AGBL4: variants seen among roughly 807,000 people sequenced by gnomAD.
AGBL4 encodes the protein AGBL carboxypeptidase 4.
A neutral mutation model predicts 66.4 loss-of-function variants in AGBL4; 58 were observed. The observed-to-expected ratio is 0.87, with a 90% CI of 0.71 to 1.09. The LOEUF (loss-of-function observed/expected upper bound fraction) is 1.09. Ranked by LOEUF, AGBL4 falls within the 50% of genes least tolerant of loss-of-function variation. AGBL4 has a pLI of 0.00. For missense variants in AGBL4, 579 were observed against 631.0 expected, an observed-to-expected ratio of 0.92 and a Z score of 0.88; for synonymous variants, 234 against 222.9, an observed-to-expected ratio of 1.05 and a Z score of -0.44.
At position 49,562,278 on chromosome 1, in the gene AGBL4, G is replaced by A. The variant is rs373126651; in HGVS notation, c.282+135035C>T. Among the ~76,000 whole-genome samples, 4 of 151,910 alleles carry A rather than the reference G, an allele frequency of 2.6e-5. No homozygotes were observed. In the South Asian group the frequency reaches 6.2e-4, roughly 24 times the overall value. On this transcript the variant is annotated intron_variant, in intron 3 of 13. Transcript: ENST00000371839. Reference sequence around the variant, plus strand: ...TAGGTTGCCTGTTCACTCTGATGGTGGTTTCTTTTGCTGTGCAGAAGCTCT... The same window carrying A: ...TAGGTTGCCTGTTCACTCTGATGGTAGTTTCTTTTGCTGTGCAGAAGCTCT...
intron 4 of AGBL4, among the ~76,000 whole-genome samples, chr1:49,121,791 G>C (rs1344095074): frequency 6.6e-6 from 1 of 152,240 alleles, no homozygotes; most frequent in African/African-American, 2.4e-5. Flanking sequence ...GCTGCCTTTT[G>C]TTCAGCTATG....
intron 3 of AGBL4, among the ~76,000 whole-genome samples, chr1:49,560,986 G>T (rs1347222378): frequency 6.6e-6 from 1 of 152,070 alleles, no homozygotes; most frequent in Non-Finnish European, 1.5e-5. Flanking sequence ...AGAAAAAGAT[G>T]CCAGTGAGAA....
chr1:49,398,690 C>T (rs1645023125), intron 3 of AGBL4, among the ~76,000 whole-genome samples: 1 of 152,098 alleles, frequency 6.6e-6, no homozygotes, highest in South Asian at 2.1e-4. Flanking sequence ...AACTATTTGA[C>T]TGTTTCCACT....
chr1:49,729,696 T>C (rs1272401673), intron 2 of AGBL4, among the ~76,000 whole-genome samples: 1 of 152,112 alleles, frequency 6.6e-6, no homozygotes, highest in African/African-American at 2.4e-5. Flanking sequence ...GCAATATATA[T>C]TTGAGGGAAG....
At chr1:48,558,260 T>C (rs1389070985) in intron 11 of AGBL4, among the ~76,000 whole-genome samples, 4 of 152,258 alleles carry the variant, frequency 2.6e-5, no homozygotes, top group Admixed American at 2.6e-4. Flanking sequence ...TCATATTTTC[T>C]AGCCTTAACT....
chr1:49,896,257 A>G (rs980220253), intron 1 of AGBL4, among the ~76,000 whole-genome samples: 5 of 152,144 alleles, frequency 3.3e-5, no homozygotes, highest in African/African-American at 1.2e-4. Flanking sequence ...AGAGCTAAAG[A>G]GATATAGACC....
chr1:49,146,979 C>A (rs370785552), intron 4 of AGBL4, among the ~76,000 whole-genome samples: 1 of 152,334 alleles, frequency 6.6e-6, no homozygotes, highest in East Asian at 1.9e-4. Context: ...ACTCAGAATG[C>A]TGAAGGCAGC....
chr1:49,341,845 G>C (rs953744281), intron 3 of AGBL4, among the ~76,000 whole-genome samples: 2 of 152,124 alleles, frequency 1.3e-5, no homozygotes, highest in Non-Finnish European at 2.9e-5. Flanking sequence ...TCGCCTCCCT[G>C]ACCCTGCGAC....
At chr1:49,939,551 T>C in intron 1 of AGBL4, among the ~76,000 whole-genome samples, 1 of 151,816 alleles carries the variant, frequency 6.6e-6, no homozygotes, top group Non-Finnish European at 1.5e-5. Context: ...TAATGCCGCA[T>C]ATCTACAACT....
chr1:48,714,436 C>T (rs750354056), intron 6 of AGBL4, among the ~76,000 whole-genome samples: 3 of 152,242 alleles, frequency 2.0e-5, no homozygotes, highest in Admixed American at 6.5e-5. Flanking sequence ...TACTTCTAAT[C>T]AGCAAACCAT....
At chr1:49,022,466 C>T (rs1455764524) in intron 5 of AGBL4, among the ~76,000 whole-genome samples, 3 of 151,890 alleles carry the variant, frequency 2.0e-5, no homozygotes, top group African/African-American at 4.8e-5. Flanking sequence ...ACCTACTGAG[C>T]ATTCATCAGT....
intron 6 of AGBL4, among the ~76,000 whole-genome samples, chr1:48,757,066 A>G (rs1373279846): frequency 6.6e-6 from 1 of 152,210 alleles, no homozygotes; most frequent in Non-Finnish European, 1.5e-5. Flanking sequence ...ACCACCCCAG[A>G]GGCTTAGGAG....
At chr1:49,187,604 A>G (rs1647038091) in intron 4 of AGBL4, 1 of 152,158 alleles carries the variant, frequency 6.6e-6, no homozygotes, top group Admixed American at 6.6e-5. Context: ...TCTAAAAGAC[A>G]AATCATGTCA....
At chr1:49,801,507 A>G (rs1458415002) in intron 2 of AGBL4, among the ~76,000 whole-genome samples, 1 of 152,242 alleles carries the variant, frequency 6.6e-6, no homozygotes, top group East Asian at 1.9e-4. Context: ...GCAATAGATA[A>G]CTAACACAGG....
intron 4 of AGBL4, among the ~76,000 whole-genome samples, chr1:49,090,250 G>A (rs1644979140): frequency 6.6e-6 from 1 of 152,112 alleles, no homozygotes; most frequent in Admixed American, 6.6e-5. Context: ...AATCAGGCAA[G>A]AGAACAAAAT....
intron 1 of AGBL4, among the ~76,000 whole-genome samples, chr1:49,893,756 C>T (rs922547031): frequency 2.0e-5 from 3 of 152,156 alleles, no homozygotes; most frequent in Non-Finnish European, 4.4e-5. Context: ...CTCTGCCTCC[C>T]GGACTGCATC....
intron 2 of AGBL4, among the ~76,000 whole-genome samples, chr1:49,821,120 A>C (rs975897126): frequency 6.6e-6 from 1 of 152,182 alleles, no homozygotes; most frequent in Non-Finnish European, 1.5e-5. Flanking sequence ...CCCCTAAAAA[A>C]TAGGCTGATT....
intron 6 of AGBL4, among the ~76,000 whole-genome samples, chr1:48,786,633 C>A (rs114830793): frequency 1.3e-5 from 2 of 152,276 alleles, no homozygotes; most frequent in Non-Finnish European, 2.9e-5. Context: ...ACTACATTAT[C>A]TGTGGTTTCT....
chr1:49,920,121 A>C (rs1434842212), intron 1 of AGBL4, among the ~76,000 whole-genome samples: 1 of 152,230 alleles, frequency 6.6e-6, no homozygotes, highest in Non-Finnish European at 1.5e-5. Context: ...TGTTAGACCT[A>C]AAACCATAAA....
Sources: allele counts gnomAD v4.1 joint callset (sites outside exome capture counted in the v4.1 genomes callset), GRCh38; gene constraint gnomAD v4.1.1; transcripts MANE v1.5; gene names NCBI Gene and HGNC (gene_info 2026-07-23, HGNC 2026-07-21).